LRRTM4: variants seen among roughly 807,000 people sequenced by gnomAD.
LRRTM4 encodes leucine rich repeat transmembrane neuronal 4.
LRRTM4 carries 25 observed loss-of-function variants against 47.6 expected under a neutral mutation model. That is an observed-to-expected ratio of 0.53 (90% CI 0.38 to 0.73). The LOEUF is 0.73. Ranked by LOEUF, LRRTM4 falls within the 30% of genes least tolerant of loss-of-function variation. The pLI is 0.00. For synonymous variants in LRRTM4, 311 were observed against 269.5 expected (o/e 1.15, Z -1.51); for missense variants, 638 against 713.4 (o/e 0.89, Z 1.20).
Position 77,518,514 on chromosome 2 carries a change from G to A in LRRTM4, c.1355C>T (p.Ala452Val). 1 of 1,613,336 alleles carries A rather than the reference G, an allele frequency of 6.2e-7. No homozygotes were observed. The highest frequency in any genetic ancestry group is 8.5e-7 in the Non-Finnish European group (1 of 1,179,610). The change falls in exon 3 of 4, where the codon GCC becomes GTC. Residue 452 changes from alanine (A) to valine (V), a missense_variant. Physicochemically the swap from Ala to Val is moderately conservative, Grantham distance 64. Coordinates refer to ENST00000409884, the MANE Select transcript of LRRTM4 (RefSeq NM_001134745.3). ...VIYVSWKRYPASMKQLQQHSL... is the reference protein window; with the variant it reads ...VIYVSWKRYPVSMKQLQQHSL... ...GTGTTGCTGGAGTTGTTTCATGCTG[G>A]CTGGGTAGCGTTTCCAAGACACATA...
intron 3 of LRRTM4, among the ~76,000 whole-genome samples, chr2:77,406,653 T>C (rs1037279452): frequency 1.3e-5 from 2 of 152,122 alleles, no homozygotes; most frequent in Non-Finnish European, 2.9e-5. Context: ...AATCATTTTA[T>C]ATTATAACAG....
At chr2:76,881,825 G>C (rs1672938555) in intron 3 of LRRTM4, among the ~76,000 whole-genome samples, 1 of 151,758 alleles carries the variant, frequency 6.6e-6, no homozygotes, top group South Asian at 2.1e-4. Flanking sequence ...TATAATGTTT[G>C]ATTTATATAC....
chr2:76,787,208 G>C (rs372743959), intron 3 of LRRTM4, among the ~76,000 whole-genome samples: 1 of 152,194 alleles, frequency 6.6e-6, no homozygotes, highest in South Asian at 2.1e-4. Flanking sequence ...AAATAAAAAT[G>C]ATCTGGGAAA....
intron 3 of LRRTM4, among the ~76,000 whole-genome samples, chr2:77,391,103 A>T (rs867662945): frequency 3.0e-4 from 45 of 152,152 alleles, no homozygotes; most frequent in African/African-American, 9.9e-4. Context: ...TTAATTACTT[A>T]ATTACTGATT....
chr2:76,793,893 G>A (rs960449349), intron 3 of LRRTM4, among the ~76,000 whole-genome samples: 1 of 152,160 alleles, frequency 6.6e-6, no homozygotes, highest in Non-Finnish European at 1.5e-5. Context: ...AGGGAATACA[G>A]TATTAGTGGG....
intron 3 of LRRTM4, among the ~76,000 whole-genome samples, chr2:77,471,056 A>G (rs2103992733): frequency 6.6e-6 from 1 of 152,178 alleles, no homozygotes; most frequent in African/African-American, 2.4e-5. Flanking sequence ...ATCTATCTAT[A>G]TCTAGTTCAG....
At chr2:77,432,833 G>A (rs1289449602) in intron 3 of LRRTM4, among the ~76,000 whole-genome samples, 2 of 152,198 alleles carry the variant, frequency 1.3e-5, no homozygotes, top group African/African-American at 2.4e-5. Flanking sequence ...AAACAGATAT[G>A]TAAACAAGAG....
chr2:77,008,389 C>A (rs939720203), intron 3 of LRRTM4, among the ~76,000 whole-genome samples: 3 of 152,048 alleles, frequency 2.0e-5, no homozygotes, highest in African/African-American at 7.2e-5. Flanking sequence ...ATGGAGATAT[C>A]ACAGAATGTA....
intron 3 of LRRTM4, among the ~76,000 whole-genome samples, chr2:77,201,068 T>C (rs200508718): frequency 1.3e-5 from 2 of 152,072 alleles, no homozygotes; most frequent in Admixed American, 1.3e-4. Flanking sequence ...AAAACAATGA[T>C]TTCAGGAGGG....
intron 3 of LRRTM4, among the ~76,000 whole-genome samples, chr2:77,212,270 A>T (rs1350852090): frequency 7.2e-6 from 1 of 138,416 alleles, no homozygotes; most frequent in Non-Finnish European, 1.5e-5. Flanking sequence ...TTTCTGAGAA[A>T]TGTTAAGCAC....
intron 3 of LRRTM4, among the ~76,000 whole-genome samples, chr2:77,457,688 A>G (rs530943567): frequency 5.3e-5 from 8 of 152,106 alleles, no homozygotes; most frequent in Admixed American, 6.5e-5. Context: ...CTCTTACACC[A>G]TTCTCCTCTT....
intron 3 of LRRTM4, among the ~76,000 whole-genome samples, chr2:77,007,153 A>AATAT (rs1252517594): frequency 6.6e-6 from 1 of 151,312 alleles, no homozygotes; most frequent in African/African-American, 2.4e-5. Flanking sequence ...AATAAAGAGG[A>AATAT]ATATATATAT....
intron 3 of LRRTM4, among the ~76,000 whole-genome samples, chr2:77,220,990 G>A (rs1558640066): frequency 6.6e-6 from 1 of 152,214 alleles, no homozygotes; most frequent in Non-Finnish European, 1.5e-5. Flanking sequence ...AAGCCCATCA[G>A]ACTAACAGCT....
rs565803893 is a variant in LRRTM4, at chr2:76,761,225, A to G, written c.1552-12309T>C. Among the ~76,000 whole-genome samples, 16 of 152,308 alleles carry G rather than the reference A, an allele frequency of 1.1e-4. No homozygotes were observed. In the South Asian group the frequency reaches 2.1e-3, roughly 20 times the overall value. ...TCAAAACAAAGCAGGCTGCTTCCCA[A>G]TCAAAAACCACCAAATGCGGTGCAC... is the stretch of plus-strand genomic sequence containing the variant. On this transcript the variant is annotated intron_variant, in intron 3 of 3. Transcript: ENST00000409884.
chr2:77,224,028 C>A (rs1558641731), intron 3 of LRRTM4, among the ~76,000 whole-genome samples: 1 of 151,506 alleles, frequency 6.6e-6, no homozygotes, highest in African/African-American at 2.4e-5. Context: ...ACCAATGGAA[C>A]AGAACAGAGC....
chr2:77,392,164 C>T lies in LRRTM4; in HGVS notation c.1551+126154G>A, dbSNP rs533589747. ...ACCTACATGACAAGAACCTTGGCTA[C>T]CACAATCTCCATCCCTATATCTTAA... On this transcript the variant is annotated intron_variant, in intron 3 of 3. Coordinates refer to ENST00000409884, the MANE Select transcript of LRRTM4 (RefSeq NM_001134745.3). Among the ~76,000 whole-genome samples, 37 of 152,054 alleles carry T rather than the reference C, an allele frequency of 2.4e-4. 1 individual carries two copies. The highest frequency in any genetic ancestry group is 8.0e-4 in the African/African-American group (33 of 41,504).
rs71381266 is a variant in LRRTM4, at chr2:77,145,776, AAAAT to A, written c.1551+372538_1551+372541del. Among the ~76,000 whole-genome samples the A allele has an allele frequency of 4.4e-4, 65 of 148,066 alleles. No homozygotes were observed. The East Asian group carries it at 8.4e-3, about 19-fold the overall frequency. On this transcript the variant is annotated intron_variant, in intron 3 of 3. Transcript: ENST00000409884. ...GTGACAAAGCGAGGCTCCGTCTCAA[AAAAT>A]AAATAAATAAATAAATAAATAAATA...
At chr2:76,830,368 A>G (rs1031302596) in intron 3 of LRRTM4, among the ~76,000 whole-genome samples, 8 of 152,050 alleles carry the variant, frequency 5.3e-5, no homozygotes, top group Non-Finnish European at 1.0e-4. Context: ...ATTAGCACCA[A>G]TGAAACACTT....
At chr2:76,989,251 T>C (rs1676918344) in intron 3 of LRRTM4, among the ~76,000 whole-genome samples, 1 of 151,842 alleles carries the variant, frequency 6.6e-6, no homozygotes, top group South Asian at 2.1e-4. Flanking sequence ...ATCTATTTAA[T>C]ATGGTATCTA....
Sources: gnomAD v4.1 joint callset for allele counts (sites outside exome capture counted in the v4.1 genomes callset) on GRCh38, gnomAD v4.1.1 for gene constraint, MANE v1.5 for transcripts, NCBI Gene and HGNC (gene_info 2026-07-23, HGNC 2026-07-21) for gene names.